The following CHID1 variants were observed in gnomAD, a reference collection of about 807,000 sequenced individuals.
CHID1 encodes chitinase domain-containing protein 1.
In CHID1, 44 loss-of-function variants were observed where a neutral mutation model predicts 55.4. The ratio of observed to expected loss-of-function variants is 0.79; its 90% CI spans 0.62 to 1.02. CHID1 has a LOEUF of 1.02. Among genes scored for constraint, CHID1 ranks in the 50% least tolerant of loss-of-function variants. CHID1 has a pLI of 0.00. For missense variants in CHID1, 491 were observed against 515.3 expected (o/e 0.95, Z 0.46); for synonymous variants, 216 against 212.9 (o/e 1.01, Z -0.13).
intron 2 of CHID1, chr11:903,914 G>T: frequency 5.3e-6 from 1 of 188,668 alleles, no homozygotes; most frequent in Non-Finnish European, 1.1e-5. Flanking sequence ...CGACCCTACT[G>T]GCCAACCACT....
At chr11:882,687 C>T (rs999786116) in intron 10 of CHID1, among the ~76,000 whole-genome samples, 2 of 152,146 alleles carry the variant, frequency 1.3e-5, no homozygotes, top group African/African-American at 4.8e-5. Context: ...GTGAAAAAAC[C>T]GACAGCCAGA....
At chr11:870,835 C>T (rs1298805808) in intron 10 of CHID1, 1 of 286,478 alleles carries the variant, frequency 3.5e-6, no homozygotes, top group Non-Finnish European at 6.8e-6. Flanking sequence ...GGACAGGGCT[C>T]CTCACTCTGT....
chr11:868,552 C>T lies in CHID1; in HGVS notation c.*1306G>A, dbSNP rs990957519. 1 of 152,178 alleles carries T rather than the reference C, an allele frequency of 6.6e-6. No homozygotes were observed. The highest frequency in any genetic ancestry group is 6.6e-5 in the Admixed American group (1 of 15,258). 9.4% of individuals were successfully genotyped at this position (152,178 alleles called of 1,614,324 possible). A position where few individuals can be genotyped will look rare whatever the true frequency, so the allele number is the denominator to read the frequency against. ...ATGCCCGTGTCAAGCAGCAGCAGGG[C>T]GGTGGGAACGGCTGCACCTGCACTG... is the stretch of plus-strand genomic sequence containing the variant. On this transcript the variant is annotated 3_prime_UTR_variant, in exon 13 of 13. Coordinates refer to ENST00000323578, the MANE Select transcript of CHID1 (RefSeq NM_023947.4).
chr11:879,676 C>T (rs1166201217), intron 10 of CHID1, among the ~76,000 whole-genome samples: 1 of 152,232 alleles, frequency 6.6e-6, no homozygotes, highest in Non-Finnish European at 1.5e-5. Context: ...CTTTGTTACC[C>T]TTGAAGACTA....
intron 10 of CHID1, chr11:874,614 ACTG>A (rs1457500185): frequency 6.6e-6 from 1 of 152,170 alleles, no homozygotes; most frequent in African/African-American, 2.4e-5. Flanking sequence ...ACCACCACAC[ACTG>A]CTAACTTTTA....
intron 10 of CHID1, among the ~76,000 whole-genome samples, chr11:881,406 C>T (rs1849910851): frequency 6.8e-6 from 1 of 147,676 alleles, no homozygotes; most frequent in Admixed American, 6.7e-5. Context: ...GAAAGGACCA[C>T]GTCGGGCGGT....
chr11:876,755 T>C (rs7941920), intron 10 of CHID1, among the ~76,000 whole-genome samples: 14 of 151,990 alleles, frequency 9.2e-5, no homozygotes, highest in African/African-American at 3.4e-4. Flanking sequence ...TTGGCAGCCG[T>C]TTATTTATTC....
At chr11:900,188 G>A in intron 5 of CHID1, 78 bp from the exon 6 acceptor site, 1 of 1,197,164 alleles carries the variant, frequency 8.4e-7, no homozygotes, top group Non-Finnish European at 1.2e-6. Flanking sequence ...GCCTCAAAAA[G>A]GCATCCCCTT....
At chr11:873,343 C>T (rs375078549) in intron 10 of CHID1, among the ~76,000 whole-genome samples, 159 of 152,186 alleles carry the variant, frequency 1.0e-3, no homozygotes, top group African/African-American at 2.7e-3. Context: ...AACTGGGACC[C>T]CCTTGAGGGC....
At chr11:878,004 G>A (rs781016389) in intron 10 of CHID1, among the ~76,000 whole-genome samples, 4 of 152,224 alleles carry the variant, frequency 2.6e-5, no homozygotes, top group African/African-American at 4.8e-5. Context: ...GCGGCAGCTC[G>A]CTCAGACCCT....
In CHID1 at chr11:883,831, C is replaced by T. The variant is rs544234760; in HGVS notation, c.803+237G>A. 2.0e-5 allele frequency among the ~76,000 whole-genome samples: 3 copies of T among 152,370 alleles called. No individual in the cohort carries two copies. The East Asian group carries it at 5.8e-4, about 29-fold the overall frequency. On this transcript the variant is annotated intron_variant, in intron 9 of 12. Coordinates refer to ENST00000323578, the MANE Select transcript of CHID1 (RefSeq NM_023947.4). Reference sequence around the variant, plus strand: ...CAGCAGCAGGACTATGCCTGTACCTCTGGCCGTGACCCAGCTCCACCAGAG... The same window carrying T: ...CAGCAGCAGGACTATGCCTGTACCTTTGGCCGTGACCCAGCTCCACCAGAG...
chr11:873,927 G>A lies in CHID1; in HGVS notation c.960-3428C>T, dbSNP rs558472614. Reference sequence around the variant, plus strand: ...ATATACACACAAAACACACCGAGACGCGCCACAGAGCAATTTAGGAGGACC... The same window carrying A: ...ATATACACACAAAACACACCGAGACACGCCACAGAGCAATTTAGGAGGACC... On this transcript the variant is annotated intron_variant, in intron 10 of 12. Transcript: ENST00000323578. Among the ~76,000 whole-genome samples the A allele has an allele frequency of 3.3e-5, 5 of 152,186 alleles. No homozygotes were observed. The South Asian group carries it at 6.2e-4, about 19-fold the overall frequency.
rs181747412 is a variant in CHID1, at chr11:897,995, G to C, written c.608+1345C>G. ...GGGAGCAGTTCCGGGAAGAGCCTTG[G>C]ACTGCTGCCTCCCAGCCAGTGAGTC... is the stretch of plus-strand genomic sequence containing the variant. On this transcript the variant is annotated intron_variant, in intron 7 of 12. Transcript: ENST00000323578. Among the ~76,000 whole-genome samples the C allele has an allele frequency of 2.3e-3, 355 of 152,284 alleles. 4 individuals are homozygous for C. The highest frequency in any genetic ancestry group is 8.2e-3 in the African/African-American group (341 of 41,552).
chr11:876,320 C>T (rs542373841), intron 10 of CHID1, among the ~76,000 whole-genome samples: 3 of 152,290 alleles, frequency 2.0e-5, no homozygotes, highest in African/African-American at 7.2e-5. Flanking sequence ...GAGTGGATGA[C>T]ACCTGTCCAG....
chr11:893,873 G>A (rs1851042142), intron 7 of CHID1, among the ~76,000 whole-genome samples: 6 of 151,488 alleles, frequency 4.0e-5, no homozygotes, highest in African/African-American at 1.2e-4. Context: ...GGCTCACGCC[G>A]GTAATCCCAG....
intron 1 of CHID1, 112 bp downstream of exon 1, chr11:910,663 C>A: frequency 7.9e-7 from 1 of 1,269,304 alleles, no homozygotes; most frequent in Non-Finnish European, 1.0e-6. Context: ...GCCCGCGACC[C>A]CACGCCCGTC....
chr11:873,812 A>T (rs1849328598), intron 10 of CHID1, among the ~76,000 whole-genome samples: 1 of 152,116 alleles, frequency 6.6e-6, no homozygotes, highest in South Asian at 2.1e-4. Flanking sequence ...GCCACTTTGA[A>T]ATGGTGCATT....
Position 904,871 on chromosome 11 carries a change from G to C in CHID1, c.-43-12C>G. On this transcript the variant is annotated splice_polypyrimidine_tract_variant and intron_variant, in intron 1 of 12. Coordinates refer to ENST00000323578, the MANE Select transcript of CHID1 (RefSeq NM_023947.4). ...CGGGGTCCAGAGGGCTGCAGGGAAAGCAGAGCACATTCAAACAACCGGCAG... is the reference window on the plus strand; with the variant it reads ...CGGGGTCCAGAGGGCTGCAGGGAAACCAGAGCACATTCAAACAACCGGCAG... 1 of 1,611,666 alleles carries C rather than the reference G, an allele frequency of 6.2e-7. No homozygotes were observed. Among genetic ancestry groups the C allele is most frequent in the Non-Finnish European group, 8.5e-7 (1 of 1,179,734 alleles).
At position 875,676 on chromosome 11, in the gene CHID1, ATTCTATGCAC is replaced by A. The variant is rs1849465030; in HGVS notation, c.960-5187_960-5178del. On this transcript the variant is annotated intron_variant, in intron 10 of 12. Transcript: ENST00000323578. This position sits in a 1 kb window ranked among gnomAD's most constrained non-coding sequence, Gnocchi z 4.7. ...GTGGCCATGAGGGGCTCGCCACACC[ATTCTATGCAC>A]TTCTATGCTTGAAGATTCTCACAGT... Among the ~76,000 whole-genome samples the A allele has an allele frequency of 6.6e-6, 1 of 152,166 alleles. No homozygotes were observed. The highest frequency in any genetic ancestry group is 2.4e-5 in the African/African-American group (1 of 41,440).
Sources: gnomAD v4.1 joint callset for allele counts (sites outside exome capture counted in the v4.1 genomes callset) on GRCh38, gnomAD v4.1.1 for gene constraint, Gnocchi (gnomAD v3.1) non-coding constraint, MANE v1.5 for transcripts, NCBI Gene and HGNC (gene_info 2026-07-23, HGNC 2026-07-21) for gene names.